The following MYO5B variants were observed in gnomAD, a reference collection of about 807,000 sequenced individuals.
The protein encoded by MYO5B is unconventional myosin-Vb.
Under a neutral mutation model 229.3 loss-of-function variants are expected in MYO5B, and 143 were observed. That is an observed-to-expected ratio of 0.62 (90% CI 0.54 to 0.72). MYO5B has a LOEUF of 0.72. Ranked by LOEUF, MYO5B falls within the 30% of genes least tolerant of loss-of-function variation. The pLI is 0.00. For synonymous variants in MYO5B, 918 were observed against 885.2 expected (o/e 1.04, Z -0.66); for missense variants, 2,321 against 2,331.0 (o/e 1.00, Z 0.09).
At chr18:49,930,051 G>A (rs2025172782) in intron 16 of MYO5B, among the ~76,000 whole-genome samples, 1 of 152,178 alleles carries the variant, frequency 6.6e-6, no homozygotes, top group East Asian at 1.9e-4. Context: ...GCAGATCTGG[G>A]TTTCAATCAT....
intron 16 of MYO5B, among the ~76,000 whole-genome samples, chr18:49,930,331 A>T (rs1383171408): frequency 1.3e-5 from 2 of 152,188 alleles, no homozygotes; most frequent in African/African-American, 4.8e-5. Flanking sequence ...ATTATTACAG[A>T]TTACTTTCCA....
rs1568088722 is a variant in MYO5B at position 50,055,253 on chromosome 18, CGGACTCACTCTTA to C, written c.138+2_138+14del. ...CCACCTCACCCCCGCCCCCCTGCCC[CGGACTCACTCTTA>C]CCGTTTCATCCTCCAGTCTGAGCTG... is the stretch of plus-strand genomic sequence containing the variant. On this transcript the variant is annotated splice_donor_variant and splice_donor_5th_base_variant and intron_variant, in intron 2 of 39. Coordinates refer to ENST00000285039, the MANE Select transcript of MYO5B (RefSeq NM_001080467.3). LOFTEE classifies it high-confidence loss of function. 6.8e-7 allele frequency: 1 copy of C among 1,465,022 alleles called. No homozygotes were observed. Among genetic ancestry groups the C allele is most frequent in the East Asian group, 2.3e-5 (1 of 44,094 alleles). The allele number at this position is 1,465,022 out of a possible 1,614,324, so 90.8% of individuals were successfully genotyped here.
chr18:49,870,461 A>G (rs12604299), intron 27 of MYO5B, among the ~76,000 whole-genome samples: 12,605 of 152,316 alleles, frequency 0.083, 572 homozygotes, highest in South Asian at 0.16. Flanking sequence ...AACATTTTGT[A>G]CACCAAAAGA....
At chr18:50,119,942 G>A (rs1599035109) in intron 1 of MYO5B, among the ~76,000 whole-genome samples, 1 of 152,062 alleles carries the variant, frequency 6.6e-6, no homozygotes, top group Non-Finnish European at 1.5e-5. Context: ...CAAGAGAGAG[G>A]GGCAGCCCTC....
intron 14 of MYO5B, 93 bp downstream of exon 14, chr18:49,953,167 G>C: frequency 8.2e-7 from 1 of 1,224,246 alleles, no homozygotes; most frequent in Non-Finnish European, 1.2e-6. Flanking sequence ...CAGCATCTCT[G>C]TCTTTCCACC....
intron 1 of MYO5B, among the ~76,000 whole-genome samples, chr18:50,085,424 G>A (rs1471124979): frequency 2.6e-5 from 4 of 151,984 alleles, no homozygotes; most frequent in Non-Finnish European, 5.9e-5. Context: ...AACAGGTGCT[G>A]GAGAGGATGT....
At chr18:50,028,770 G>A (rs557481701) in intron 4 of MYO5B, among the ~76,000 whole-genome samples, 1 of 152,322 alleles carries the variant, frequency 6.6e-6, no homozygotes, top group South Asian at 2.1e-4. Context: ...TTTCCACCGG[G>A]TGACGCAGGC....
intron 3 of MYO5B, among the ~76,000 whole-genome samples, chr18:50,038,130 A>G (rs548065209): frequency 6.6e-6 from 1 of 152,334 alleles, no homozygotes; most frequent in South Asian, 2.1e-4. Flanking sequence ...GTAGAAGGAA[A>G]AAATTGTGAA....
Position 49,990,468 on chromosome 18 carries a change from C to CCGG in MYO5B, c.806_808dup (p.Ala269dup). 6.2e-7 allele frequency: 1 copy of CCGG among 1,613,970 alleles called. No homozygotes were observed. Among genetic ancestry groups the CCGG allele is most frequent in the Non-Finnish European group, 8.5e-7 (1 of 1,179,892 alleles). On this transcript the variant is annotated inframe_insertion, in exon 7 of 40. Coordinates refer to ENST00000285039, the MANE Select transcript of MYO5B (RefSeq NM_001080467.3). ...TGCAAGCTCTTTAAATTCTGGAAGACCGGCAGCAGCACAGAGCTGGTAAAA... is the reference window on the plus strand; with the variant it reads ...TGCAAGCTCTTTAAATTCTGGAAGACCGGCGGCAGCAGCACAGAGCTGGTAAAA...
chr18:50,186,031 T>C (rs1047001599), intron 1 of MYO5B, among the ~76,000 whole-genome samples: 2 of 152,232 alleles, frequency 1.3e-5, no homozygotes, highest in African/African-American at 4.8e-5. Context: ...AATAACCACA[T>C]TTAAAAGGTG....
intron 1 of MYO5B, among the ~76,000 whole-genome samples, chr18:50,105,585 T>A (rs1251106283): frequency 6.6e-6 from 1 of 152,150 alleles, no homozygotes; most frequent in African/African-American, 2.4e-5. Context: ...GGTCAGTGGT[T>A]GCCAGGTTAA....
chr18:50,055,429 T>A, intron 1 of MYO5B, 51 bp from the exon 2 acceptor site: 1 of 1,485,652 alleles, frequency 6.7e-7, no homozygotes, highest in South Asian at 1.1e-5. Flanking sequence ...GCTCTCAGAT[T>A]TCTAAATGTG....
In MYO5B at chr18:50,044,991, T is replaced by C. The variant is rs566181406; in HGVS notation, c.139-4677A>G. ...AGCCTCAGTAAATCCATATTTTACA[T>C]GTGAAAAGAGGGAGAAAATGAAAAA... On this transcript the variant is annotated intron_variant, in intron 2 of 39. Coordinates refer to ENST00000285039, the MANE Select transcript of MYO5B (RefSeq NM_001080467.3). Among the ~76,000 whole-genome samples, 8 of 152,246 alleles carry C rather than the reference T, an allele frequency of 5.3e-5. No homozygotes were observed. The South Asian group carries it at 1.4e-3, about 28-fold the overall frequency.
At chr18:50,050,903 G>A (rs576492247) in intron 2 of MYO5B, among the ~76,000 whole-genome samples, 11 of 152,166 alleles carry the variant, frequency 7.2e-5, no homozygotes, top group Admixed American at 2.6e-4. Context: ...TTCCAATTAG[G>A]CCAAGCATCC....
intron 4 of MYO5B, among the ~76,000 whole-genome samples, chr18:50,020,077 C>T (rs929051291): frequency 2.0e-5 from 3 of 152,188 alleles, no homozygotes; most frequent in Admixed American, 2.0e-4. Context: ...CAGCTCCACA[C>T]CCTACCCTCA....
chr18:49,913,569 C>G (rs538112360), intron 17 of MYO5B, among the ~76,000 whole-genome samples: 1 of 152,214 alleles, frequency 6.6e-6, no homozygotes, highest in Non-Finnish European at 1.5e-5. Flanking sequence ...TGTCCATACC[C>G]CTCACGTGGA....
At chr18:50,148,196 C>T (rs1197299498) in intron 1 of MYO5B, among the ~76,000 whole-genome samples, 9 of 151,040 alleles carry the variant, frequency 6.0e-5, no homozygotes, top group Non-Finnish European at 1.3e-4. Context: ...TAATCAATAG[C>T]TTACCAACCA....
intron 7 of MYO5B, among the ~76,000 whole-genome samples, chr18:49,987,037 A>C (rs923435962): frequency 6.6e-6 from 1 of 152,212 alleles, no homozygotes; most frequent in African/African-American, 2.4e-5. Flanking sequence ...CTAGACTTTC[A>C]TATTAGAGGG....
intron 4 of MYO5B, among the ~76,000 whole-genome samples, chr18:50,029,045 A>G (rs189168202): frequency 1.3e-5 from 2 of 152,366 alleles, no homozygotes; most frequent in East Asian, 3.8e-4. Context: ...TTTCTTTTAA[A>G]ATAGGAATGT....
Sources: gnomAD v4.1 joint callset for allele counts (sites outside exome capture counted in the v4.1 genomes callset) on GRCh38, gnomAD v4.1.1 for gene constraint, MANE v1.5 for transcripts, NCBI Gene and HGNC (gene_info 2026-07-23, HGNC 2026-07-21) for gene names.